UNC13C: variants seen among roughly 807,000 people sequenced by gnomAD.
UNC13C encodes the protein unc-13 homolog C.
UNC13C carries 174 observed loss-of-function variants against 245.4 expected under a neutral mutation model. The ratio of observed to expected loss-of-function variants is 0.71; its 90% CI spans 0.63 to 0.80. The LOEUF is 0.80. Ranked by LOEUF, UNC13C falls within the 30% of genes least tolerant of loss-of-function variation. UNC13C has a pLI of 0.00. For synonymous variants in UNC13C, 992 were observed against 895.1 expected (o/e 1.11, Z -1.93); for missense variants, 2,829 against 2,602.9 (o/e 1.09, Z -1.89).
At chr15:53,998,704 G>A (rs568135918) in intron 1 of UNC13C, among the ~76,000 whole-genome samples, 17 of 152,066 alleles carry the variant, frequency 1.1e-4, no homozygotes, top group Non-Finnish European at 1.6e-4. Flanking sequence ...CTAAGAGAAA[G>A]CATTAAATAT....
At position 54,627,446 on chromosome 15, in the gene UNC13C, T is replaced by G. The variant is rs779148314; in HGVS notation, c.*333T>G. The G allele has an allele frequency of 5.4e-6, 1 of 185,296 alleles. No individual in the cohort carries two copies. Among genetic ancestry groups the G allele is most frequent in the Non-Finnish European group, 1.1e-5 (1 of 88,120 alleles). 11.5% of individuals were successfully genotyped at this position (185,296 alleles called of 1,614,324 possible). A position where few individuals can be genotyped will look rare whatever the true frequency, so the allele number is the denominator to read the frequency against. ...TTGCCCATCAGTTGTCTTTGTTAAA[T>G]GAGATTATATTGCCCATAGATCAGA... On this transcript the variant is annotated 3_prime_UTR_variant, in exon 33 of 33. Transcript: ENST00000260323.
At chr15:53,919,834 T>G in the UNC13C span, among the ~76,000 whole-genome samples, 4 of 152,148 alleles carry the variant, frequency 2.6e-5, no homozygotes, top group Non-Finnish European at 4.4e-5. Context: ...TTAAAAATAT[T>G]TTACAGTCAG....
chr15:54,088,480 C>T (rs1409990436), intron 2 of UNC13C, among the ~76,000 whole-genome samples: 4 of 152,156 alleles, frequency 2.6e-5, no homozygotes, highest in Non-Finnish European at 4.4e-5. Flanking sequence ...TGCTTTACAT[C>T]GGATGGCGGT....
chr15:53,979,685 A>G (rs1257849520), intron 1 of UNC13C, among the ~76,000 whole-genome samples: 1 of 152,222 alleles, frequency 6.6e-6, no homozygotes, highest in Non-Finnish European at 1.5e-5. Context: ...GACAACACTT[A>G]AAAATCAATT....
the UNC13C span, among the ~76,000 whole-genome samples, chr15:53,969,589 G>C: frequency 2.0e-5 from 3 of 151,894 alleles, no homozygotes; most frequent in East Asian, 1.9e-4. Flanking sequence ...AGGATGCTGA[G>C]GCAGGAGGGT....
At chr15:54,010,341 G>A (rs1482139524) in intron 1 of UNC13C, among the ~76,000 whole-genome samples, 1 of 152,166 alleles carries the variant, frequency 6.6e-6, no homozygotes. Flanking sequence ...AATAATTATG[G>A]TATTTTGAGA....
At chr15:53,940,781 A>C in the UNC13C span, among the ~76,000 whole-genome samples, 1 of 152,326 alleles carries the variant, frequency 6.6e-6, no homozygotes, top group African/African-American at 2.4e-5. Flanking sequence ...GTCCTATTCA[A>C]GAAGAACTAC....
At chr15:54,576,990 T>C (rs1241892886) in intron 30 of UNC13C, among the ~76,000 whole-genome samples, 1 of 152,226 alleles carries the variant, frequency 6.6e-6, no homozygotes, top group Admixed American at 6.5e-5. Flanking sequence ...TATTTGAATG[T>C]ATGTGATTAC....
At chr15:54,459,517 C>T (rs900244492) in intron 19 of UNC13C, among the ~76,000 whole-genome samples, 6 of 152,190 alleles carry the variant, frequency 3.9e-5, no homozygotes, top group East Asian at 1.9e-4. Context: ...TTTCTTCCTC[C>T]GCAGGAACAC....
chr15:53,871,983 A>G, the UNC13C span, among the ~76,000 whole-genome samples: 1 of 152,206 alleles, frequency 6.6e-6, no homozygotes, highest in Non-Finnish European at 1.5e-5. Flanking sequence ...CAGTGTGTGT[A>G]TGGAGATGAT....
chr15:54,554,441 T>C (rs1319137176), intron 28 of UNC13C, among the ~76,000 whole-genome samples: 3 of 152,064 alleles, frequency 2.0e-5, no homozygotes, highest in African/African-American at 7.2e-5. Context: ...TGTCCTCTTA[T>C]AAAAAATAAG....
intron 30 of UNC13C, among the ~76,000 whole-genome samples, chr15:54,615,940 CTTT>C (rs953253489): frequency 3.3e-5 from 5 of 152,054 alleles, no homozygotes; most frequent in Non-Finnish European, 5.9e-5. Context: ...GCCTCAACTT[CTTT>C]ATGTCTAAAA....
At chr15:54,369,612 C>T (rs992131855) in intron 17 of UNC13C, among the ~76,000 whole-genome samples, 5 of 152,058 alleles carry the variant, frequency 3.3e-5, no homozygotes, top group East Asian at 1.9e-4. Context: ...CATAGCCTAA[C>T]TTTAGTTATT....
chr15:54,001,836 C>G (rs947057708), intron 1 of UNC13C, among the ~76,000 whole-genome samples: 1 of 152,214 alleles, frequency 6.6e-6, no homozygotes, highest in Non-Finnish European at 1.5e-5. Flanking sequence ...AGTCTTTCCT[C>G]TATACCTTCC....
intron 13 of UNC13C, among the ~76,000 whole-genome samples, chr15:54,312,523 A>G (rs1428500902): frequency 1.3e-5 from 2 of 151,894 alleles, no homozygotes; most frequent in Admixed American, 1.3e-4. Flanking sequence ...AGCAGAGCAT[A>G]AAAGATTCTA....
chr15:54,149,074 G>A, intron 4 of UNC13C, among the ~76,000 whole-genome samples: 1 of 152,086 alleles, frequency 6.6e-6, no homozygotes, highest in East Asian at 1.9e-4. Flanking sequence ...TGAGATCCGA[G>A]GCTTTAAAAG....
chr15:54,069,814 TC>T (rs1898236759), intron 2 of UNC13C, among the ~76,000 whole-genome samples: 1 of 152,252 alleles, frequency 6.6e-6, no homozygotes, highest in Non-Finnish European at 1.5e-5. Flanking sequence ...GATCTGATTT[TC>T]TGTAGATAGT....
Position 54,184,731 on chromosome 15 carries a change from T to C in UNC13C, c.3071+41047T>C, listed in dbSNP as rs529505417. Among the ~76,000 whole-genome samples, 26 of 152,336 alleles carry C rather than the reference T, an allele frequency of 1.7e-4. No individual in the cohort carries two copies. The East Asian group carries it at 4.4e-3, about 26-fold the overall frequency. ...TGAATAGTGCCGCAATAAACATACA[T>C]GTGCATGTGTCTTTATAGCAGCATG... On this transcript the variant is annotated intron_variant, in intron 4 of 32. Coordinates refer to ENST00000260323, the MANE Select transcript of UNC13C (RefSeq NM_001080534.3).
At chr15:54,086,882 C>A in intron 2 of UNC13C, among the ~76,000 whole-genome samples, 1 of 151,738 alleles carries the variant, frequency 6.6e-6, no homozygotes, top group Middle Eastern at 3.4e-3. Flanking sequence ...ATTACGGGCA[C>A]CTGCCACTGA....
Sources: allele counts gnomAD v4.1 joint callset (sites outside exome capture counted in the v4.1 genomes callset), GRCh38; gene constraint gnomAD v4.1.1; transcripts MANE v1.5; gene names NCBI Gene and HGNC (gene_info 2026-07-23, HGNC 2026-07-21).